LRP5: variants seen among roughly 807,000 people sequenced by gnomAD.
The protein encoded by LRP5 is low-density lipoprotein receptor-related protein 5.
LRP5 carries 62 observed loss-of-function variants against 154.1 expected under a neutral mutation model. The observed-to-expected ratio is 0.40, with a 90% CI of 0.33 to 0.50. LRP5 has a LOEUF of 0.50. LRP5 is among the 20% of genes least tolerant of loss of function. The probability of loss-of-function intolerance (pLI) is 0.55; values close to 1 mark genes in which losing one functional copy is unlikely to be tolerated. For missense variants in LRP5, 1,915 were observed against 2,336.7 expected, an observed-to-expected ratio of 0.82 and a Z score of 3.72; for synonymous variants, 966 against 1,011.5, an observed-to-expected ratio of 0.96 and a Z score of 0.85.
chr11:68,447,634 T>A lies in LRP5; in HGVS notation c.4586+1101T>A, dbSNP rs1214701583. Among the ~76,000 whole-genome samples the A allele has an allele frequency of 6.6e-6, 1 of 152,078 alleles. No individual in the cohort carries two copies. The highest frequency in any genetic ancestry group is 1.5e-5 in the Non-Finnish European group (1 of 67,996). Reference sequence around the variant, plus strand: ...GCCTTTGCTCATGCCCGTCCTGCTCTGGGCCCACCGCGGACACATCTTCCC... The same window carrying A: ...GCCTTTGCTCATGCCCGTCCTGCTCAGGGCCCACCGCGGACACATCTTCCC... On this transcript the variant is annotated intron_variant, in intron 22 of 22. Transcript: ENST00000294304. This position sits in a 1 kb window ranked among gnomAD's most constrained non-coding sequence, Gnocchi z 4.3.
At chr11:68,320,351 A>G (rs1177511074) in intron 1 of LRP5, among the ~76,000 whole-genome samples, 2 of 152,122 alleles carry the variant, frequency 1.3e-5, no homozygotes, top group Non-Finnish European at 2.9e-5. Flanking sequence ...TTTGATTTGC[A>G]CAACCCTCAT....
chr11:68,429,808 A>C, intron 17 of LRP5, 108 bp downstream of exon 17: 1 of 1,441,222 alleles, frequency 6.9e-7, no homozygotes, highest in South Asian at 1.2e-5. Flanking sequence ...TGTGGCATCC[A>C]GTTTCCAAAG....
chr11:68,352,196 G>C (rs1244084520), intron 2 of LRP5, among the ~76,000 whole-genome samples: 2 of 152,178 alleles, frequency 1.3e-5, no homozygotes, highest in East Asian at 3.9e-4. Context: ...CCTCACTTGT[G>C]GGGGTAAGGA....
At position 68,425,226 on chromosome 11, in the gene LRP5, A is replaced by G. The variant is rs80358317; in HGVS notation, c.3361A>G (p.Asn1121Asp). ...LIRPVALVVDNTLGKLFWVDA... is the reference protein window; with the variant it reads ...LIRPVALVVDDTLGKLFWVDA... Reference sequence around the variant, plus strand: ...CCGCCCTGTGGCCCTGGTGGTGGACAACACACTGGGCAAGCTGTTCTGGGT... The same window carrying G: ...CCGCCCTGTGGCCCTGGTGGTGGACGACACACTGGGCAAGCTGTTCTGGGT... Residue 1121 changes from asparagine (N) to aspartate (D), a missense_variant, in exon 15 of 23, where the codon AAC becomes GAC. Coordinates refer to ENST00000294304, the MANE Select transcript of LRP5 (RefSeq NM_002335.4). The G allele has an allele frequency of 2.2e-4, 355 of 1,612,698 alleles. No individual in the cohort carries two copies. The East Asian group carries it at 6.3e-3, about 29-fold the overall frequency.
At chr11:68,438,955 T>C (rs1443353711) in intron 20 of LRP5, among the ~76,000 whole-genome samples, 1 of 152,216 alleles carries the variant, frequency 6.6e-6, no homozygotes, top group Non-Finnish European at 1.5e-5. Context: ...TAGTAGGACA[T>C]GTGCTGTGTT....
At position 68,426,312 on chromosome 11, in the gene LRP5, T is replaced by A; in HGVS notation, c.3637+125T>A. The stretch of plus-strand genomic sequence containing the variant: ...GCGGTGGTCTCTGCCAGATGCCAAC[T>A]GTTGCCCGCTGGGGTTCAGCGACAT... On this transcript the variant is annotated intron_variant, in intron 16 of 22. Coordinates refer to ENST00000294304, the MANE Select transcript of LRP5 (RefSeq NM_002335.4). 7.9e-6 allele frequency: 6 copies of A among 762,358 alleles called. No individual in the cohort carries two copies. The South Asian group carries it at 9.0e-5, about 11-fold the overall frequency. The allele number at this position is 762,358 out of a possible 1,614,324, so 47.2% of individuals were successfully genotyped here. A position where few individuals can be genotyped will look rare whatever the true frequency, so the allele number is the denominator to read the frequency against.
the LRP5 span, among the ~76,000 whole-genome samples, chr11:68,305,641 C>T: frequency 6.6e-6 from 1 of 152,012 alleles, no homozygotes; most frequent in Non-Finnish European, 1.5e-5. Context: ...TGGGGTTTCA[C>T]CATGTTGTCC....
intron 1 of LRP5, among the ~76,000 whole-genome samples, chr11:68,315,942 T>A (rs941642477): frequency 2.0e-5 from 3 of 152,096 alleles, no homozygotes; most frequent in Admixed American, 6.5e-5. Flanking sequence ...GTTTTTTTTT[T>A]AAATTGAGGT....
intron 5 of LRP5, among the ~76,000 whole-genome samples, chr11:68,385,386 C>T (rs190547560): frequency 1.2e-4 from 19 of 152,108 alleles, no homozygotes; most frequent in African/African-American, 4.1e-4. Flanking sequence ...TCTGAAACTT[C>T]GTTGGAAGTG....
chr11:68,326,297 G>A (rs1256025840), intron 1 of LRP5, among the ~76,000 whole-genome samples: 1 of 152,200 alleles, frequency 6.6e-6, no homozygotes, highest in Non-Finnish European at 1.5e-5. Flanking sequence ...AGCAGTCCCC[G>A]CCTCTCCTTT....
intron 18 of LRP5, among the ~76,000 whole-genome samples, chr11:68,435,989 G>A (rs1455288874): frequency 6.6e-6 from 1 of 152,200 alleles, no homozygotes; most frequent in Non-Finnish European, 1.5e-5. Flanking sequence ...GCCTCCCAAA[G>A]TGCCATGATT....
intron 22 of LRP5, among the ~76,000 whole-genome samples, chr11:68,448,047 T>C (rs1358936466): frequency 6.6e-6 from 1 of 152,232 alleles, no homozygotes; most frequent in African/African-American, 2.4e-5. Context: ...CAGTTCCACC[T>C]GCCTGGGGTG....
At chr11:68,301,684 G>A in the LRP5 span, among the ~76,000 whole-genome samples, 2 of 144,720 alleles carry the variant, frequency 1.4e-5, no homozygotes, top group East Asian at 4.0e-4. Context: ...GTGCAGTGGT[G>A]TGATCTCGGC....
In LRP5 at chr11:68,323,180, C is replaced by T. The variant is rs563368913; in HGVS notation, c.91+10375C>T. On this transcript the variant is annotated intron_variant, in intron 1 of 22. Transcript: ENST00000294304. ...CTTGAGTGCAGTAGCACAGTCTTGG[C>T]TCACTGCAACCTCTGCCTCCTGGGT... 8.3e-4 allele frequency among the ~76,000 whole-genome samples: 126 copies of T among 152,342 alleles called. 1 individual carries two copies. Among genetic ancestry groups the T allele is most frequent in the Middle Eastern group, 3.4e-3 (1 of 294 alleles).
chr11:68,332,304 C>T (rs566925654), intron 1 of LRP5, among the ~76,000 whole-genome samples: 383 of 152,344 alleles, frequency 2.5e-3, no homozygotes, highest in Non-Finnish European at 4.5e-3. Flanking sequence ...GTCAGCAGCT[C>T]GCTCATTCTT....
Position 68,386,306 on chromosome 11 carries a change from G to T in LRP5, c.1016-10G>T. On this transcript the variant is annotated splice_polypyrimidine_tract_variant and intron_variant, in intron 5 of 22. Coordinates refer to ENST00000294304, the MANE Select transcript of LRP5 (RefSeq NM_002335.4). This position sits in a 1 kb window ranked among gnomAD's most constrained non-coding sequence, Gnocchi z 7.9. ...CTTGACCCCTGACCCCATTGCACCT[G>T]TCTCCACAGGAGCCGAGGAGGTGCT... 26 of 1,610,584 alleles carry T rather than the reference G, an allele frequency of 1.6e-5. No homozygotes were observed. Among genetic ancestry groups the T allele is most frequent in the Non-Finnish European group, 2.2e-5 (26 of 1,179,978 alleles).
the LRP5 span, among the ~76,000 whole-genome samples, chr11:68,298,670 C>T: frequency 1.1e-4 from 17 of 152,294 alleles, no homozygotes; most frequent in African/African-American, 4.1e-4. Flanking sequence ...AAAGCCCCTA[C>T]CCACTCCTGC....
chr11:68,378,146 A>G (rs538950591), intron 5 of LRP5, among the ~76,000 whole-genome samples: 35 of 124,660 alleles, frequency 2.8e-4, no homozygotes, highest in Non-Finnish European at 5.2e-4. Flanking sequence ...CCTTTTGCCA[A>G]AATAACAAAA....
In LRP5 at chr11:68,416,512, G is replaced by A. The variant is rs1291747257; in HGVS notation, c.3012G>A (p.Lys1004=). The A allele has an allele frequency of 6.2e-7, 1 of 1,613,912 alleles. No homozygotes were observed. ...VDGRQNIKRA[K]DDGTQPFVLT... Reference sequence around the variant, plus strand: ...GGCGCCAGAACATCAAGCGAGCCAAGGACGACGGGACCCAGGCAGGTGCCC... The same window carrying A: ...GGCGCCAGAACATCAAGCGAGCCAAAGACGACGGGACCCAGGCAGGTGCCC... The change falls in exon 13 of 23, where the codon AAG becomes AAA. Residue 1004 remains lysine (K), a synonymous_variant. Coordinates refer to ENST00000294304, the MANE Select transcript of LRP5 (RefSeq NM_002335.4).
Sources: gnomAD v4.1 joint callset for allele counts (sites outside exome capture counted in the v4.1 genomes callset) on GRCh38, gnomAD v4.1.1 for gene constraint, Gnocchi (gnomAD v3.1) non-coding constraint, MANE v1.5 for transcripts, NCBI Gene and HGNC (gene_info 2026-07-23, HGNC 2026-07-21) for gene names.